Variants in KLRD1 observed in about 807,000 individuals in gnomAD.
KLRD1 encodes natural killer cells antigen CD94.
In KLRD1, 21 loss-of-function variants were observed where a neutral mutation model predicts 22.6. That is an observed-to-expected ratio of 0.93 (90% CI 0.66 to 1.34). The LOEUF (loss-of-function observed/expected upper bound fraction) is 1.34. Ranked by LOEUF, KLRD1 falls within the 40% of genes most tolerant of loss-of-function variation. The pLI, the probability that KLRD1 is intolerant of heterozygous loss-of-function variation, is 0.00. For missense variants in KLRD1, 183 were observed against 208.6 expected, an observed-to-expected ratio of 0.88 and a Z score of 0.76; for synonymous variants, 59 against 71.1, an observed-to-expected ratio of 0.83 and a Z score of 0.85.
chr12:10,295,440 T>G (rs1229990910), intron 1 of KLRD1, among the ~76,000 whole-genome samples: 2 of 152,176 alleles, frequency 1.3e-5, no homozygotes, highest in Non-Finnish European at 2.9e-5. Context: ...AATCTCAGAA[T>G]TCCAGTCATT....
At chr12:10,260,980 T>TAA (rs1186236537) in intron 1 of KLRD1, among the ~76,000 whole-genome samples, 108,826 of 142,132 alleles carry the variant, frequency 0.77, 42,461 homozygotes, top group Middle Eastern at 0.88. Context: ...AAAAAAAATT[T>TAA]TTTTGAGGTA....
intron 1 of KLRD1, among the ~76,000 whole-genome samples, chr12:10,296,526 A>T (rs1949823259): frequency 6.6e-6 from 1 of 152,100 alleles, no homozygotes; most frequent in Non-Finnish European, 1.5e-5. Flanking sequence ...AAAAATAAAA[A>T]TAAAAAAAAC....
chr12:10,299,920 C>T (rs1277861898), upstream of KLRD1, among the ~76,000 whole-genome samples: 3 of 152,192 alleles, frequency 2.0e-5, 1 homozygote, highest in East Asian at 5.8e-4. Context: ...TTTGCTTAGC[C>T]ATGAGAAGCA....
chr12:10,312,496 A>C (rs1592090806), intron 4 of KLRD1, among the ~76,000 whole-genome samples: 1 of 151,832 alleles, frequency 6.6e-6, no homozygotes, highest in East Asian at 2.0e-4. Flanking sequence ...CTCCTGCCTC[A>C]GCCTCCCGAG....
At chr12:10,246,928 C>CT (rs1208226436) in intron 1 of KLRD1, among the ~76,000 whole-genome samples, 2,415 of 129,254 alleles carry the variant, frequency 0.019, 101 homozygotes, top group African/African-American at 0.068. Flanking sequence ...CTTTTCTTTT[C>CT]TTTTCTTTTT....
upstream of KLRD1, among the ~76,000 whole-genome samples, chr12:10,302,518 A>G (rs903368602): frequency 4.6e-5 from 7 of 152,182 alleles, no homozygotes; most frequent in African/African-American, 1.4e-4. Flanking sequence ...AAATTAATTG[A>G]CACAAGGCTG....
At chr12:10,286,949 C>T (rs941867425) in intron 1 of KLRD1, among the ~76,000 whole-genome samples, 1 of 151,982 alleles carries the variant, frequency 6.6e-6, no homozygotes, top group African/African-American at 2.4e-5. Context: ...ACCAGCCTGG[C>T]CAATGTGGCA....
intron 1 of KLRD1, among the ~76,000 whole-genome samples, chr12:10,241,812 A>G (rs1393297871): frequency 3.3e-5 from 5 of 152,184 alleles, no homozygotes; most frequent in African/African-American, 1.2e-4. Context: ...ACACATTCAC[A>G]TATAGAATGG....
At chr12:10,260,015 A>G (rs1036130686) in intron 1 of KLRD1, among the ~76,000 whole-genome samples, 9 of 152,204 alleles carry the variant, frequency 5.9e-5, no homozygotes, top group Non-Finnish European at 1.0e-4. Flanking sequence ...GTACTTTCTT[A>G]ATACAGATAT....
Position 10,325,315 on chromosome 12 carries a change from T to C in KLRD1, c.*10522T>C, listed in dbSNP as rs1043693937. 2.0e-5 allele frequency: 3 copies of C among 152,154 alleles called. No homozygotes were observed. Among genetic ancestry groups the C allele is most frequent in the African/African-American group, 7.2e-5 (3 of 41,454 alleles). The allele number at this position is 152,154 out of a possible 1,614,324, so 9.4% of individuals were successfully genotyped here. ...ATAAACCTCAGTTGTTCATGTTATC[T>C]TTTTTACGTATCTTTGCAGATGCTT... On this transcript the variant is annotated 3_prime_UTR_variant, in exon 6 of 6. Transcript: ENST00000336164.
intron 1 of KLRD1, chr12:10,308,417 C>A: frequency 3.4e-6 from 1 of 295,224 alleles, no homozygotes; most frequent in Non-Finnish European, 6.4e-6. Context: ...ATATTAATGA[C>A]ACAATGCTGA....
chr12:10,243,977 C>T (rs1949266923), intron 1 of KLRD1, among the ~76,000 whole-genome samples: 1 of 152,166 alleles, frequency 6.6e-6, no homozygotes, highest in East Asian at 1.9e-4. Context: ...GGCTTCACTG[C>T]TACAGCTTGC....
intron 1 of KLRD1, among the ~76,000 whole-genome samples, chr12:10,286,059 T>C (rs10845103): frequency 0.17 from 25,369 of 152,164 alleles, 2,730 homozygotes; most frequent in Non-Finnish European, 0.24. Flanking sequence ...CCATTACCCA[T>C]CCACTTTATC....
intron 3 of KLRD1, 120 bp downstream of exon 3, chr12:10,309,808 T>A: frequency 1.4e-6 from 1 of 690,618 alleles, no homozygotes; most frequent in Non-Finnish European, 2.6e-6. Context: ...TGCCTACCAG[T>A]GTAGGATAGT....
Position 10,329,485 on chromosome 12 carries a change from G to A in KLRD1, c.*14692G>A, listed in dbSNP as rs1360378355. Reference sequence around the variant, plus strand: ...AAGAATGTATACTCTGCTGCTGTTGGATGGAATGTTCTGCACATGTCTGTA... The same window carrying A: ...AAGAATGTATACTCTGCTGCTGTTGAATGGAATGTTCTGCACATGTCTGTA... On this transcript the variant is annotated 3_prime_UTR_variant, in exon 6 of 6. Transcript: ENST00000336164. 6.6e-6 allele frequency: 1 copy of A among 152,240 alleles called. No homozygotes were observed. The highest frequency in any genetic ancestry group is 1.5e-5 in the Non-Finnish European group (1 of 68,050). 9.4% of individuals were successfully genotyped at this position (152,240 alleles called of 1,614,324 possible).
At chr12:10,302,710 G>T (rs115755751), upstream of KLRD1, among the ~76,000 whole-genome samples, 749 of 151,896 alleles carry the variant, frequency 4.9e-3, 8 homozygotes, top group African/African-American at 0.017. Flanking sequence ...CTCTGGGTGG[G>T]GCCACAGGAT....
chr12:10,298,475 T>A (rs1380600035), intron 1 of KLRD1, among the ~76,000 whole-genome samples: 1 of 152,238 alleles, frequency 6.6e-6, no homozygotes, highest in Non-Finnish European at 1.5e-5. Flanking sequence ...CCACTTGTGC[T>A]CACTGTTGGG....
intron 1 of KLRD1, among the ~76,000 whole-genome samples, chr12:10,257,198 A>T (rs1427298351): frequency 1.2e-5 from 1 of 84,742 alleles, no homozygotes; most frequent in East Asian, 3.3e-4. Context: ...CAGTTTGATT[A>T]TATCTTATTG....
chr12:10,285,793 C>T (rs1949696233), intron 1 of KLRD1, among the ~76,000 whole-genome samples: 1 of 152,154 alleles, frequency 6.6e-6, no homozygotes. Flanking sequence ...ATTCCCTCCT[C>T]TTCTCTTAAC....
Sources: gnomAD v4.1 joint callset for allele counts (sites outside exome capture counted in the v4.1 genomes callset) on GRCh38, gnomAD v4.1.1 for gene constraint, MANE v1.5 for transcripts, NCBI Gene and HGNC (gene_info 2026-07-23, HGNC 2026-07-21) for gene names.